Variants in USP48 observed in about 807,000 individuals in gnomAD.
USP48 encodes the protein ubiquitin specific peptidase 48, also known as ubiquitin carboxyl-terminal hydrolase 48.
USP48 carries 43 observed loss-of-function variants against 150.7 expected under a neutral mutation model. That is an observed-to-expected ratio of 0.29 (90% CI 0.22 to 0.37). The LOEUF (loss-of-function observed/expected upper bound fraction) is 0.37, where lower values mean the gene tolerates loss of function less well. USP48 is among the 10% of genes least tolerant of loss of function. The pLI, the probability that USP48 is intolerant of heterozygous loss-of-function variation, is 1.00. For synonymous variants in USP48, 396 were observed against 425.9 expected, an observed-to-expected ratio of 0.93 and a Z score of 0.86; for missense variants, 813 against 1,249.6, an observed-to-expected ratio of 0.65 and a Z score of 5.27.
rs564367927 is a variant in USP48 at position 21,744,137 on chromosome 1, T to C, written c.991+2930A>G. Among the ~76,000 whole-genome samples, 24 of 152,292 alleles carry C rather than the reference T, an allele frequency of 1.6e-4. No individual in the cohort carries two copies. The South Asian group carries it at 4.6e-3, about 29-fold the overall frequency. On this transcript the variant is annotated intron_variant, in intron 8 of 26. Coordinates refer to ENST00000308271, the MANE Select transcript of USP48 (RefSeq NM_032236.8). ...ACCTGGATTTATATTCATCAATTCATTGAACTAATCAATTTTAAAATTAAG... is the reference window on the plus strand; with the variant it reads ...ACCTGGATTTATATTCATCAATTCACTGAACTAATCAATTTTAAAATTAAG...
At chr1:21,769,066 T>C (rs977048750) in intron 1 of USP48, among the ~76,000 whole-genome samples, 1 of 152,190 alleles carries the variant, frequency 6.6e-6, no homozygotes, top group Non-Finnish European at 1.5e-5. Flanking sequence ...CTTTGAGTTG[T>C]TGCTTTTGCT....
intron 14 of USP48, among the ~76,000 whole-genome samples, chr1:21,719,103 TA>T (rs1364200799): frequency 7.1e-6 from 1 of 141,824 alleles, no homozygotes; most frequent in African/African-American, 2.6e-5. Flanking sequence ...CCATCTCCAC[TA>T]AAATACAAAA....
chr1:21,777,801 A>G (rs2097903445), intron 1 of USP48, among the ~76,000 whole-genome samples: 1 of 152,114 alleles, frequency 6.6e-6, no homozygotes, highest in Non-Finnish European at 1.5e-5. Flanking sequence ...CAAATCATAT[A>G]TTTAATAAGG....
At chr1:21,740,121 G>A (rs2152566111) in intron 8 of USP48, among the ~76,000 whole-genome samples, 1 of 152,328 alleles carries the variant, frequency 6.6e-6, no homozygotes, top group Non-Finnish European at 1.5e-5. Context: ...ATGTTGGTCA[G>A]GCTGGTCTTG....
intron 11 of USP48, among the ~76,000 whole-genome samples, chr1:21,726,821 C>G (rs1159848927): frequency 6.6e-6 from 1 of 152,144 alleles, no homozygotes; most frequent in Non-Finnish European, 1.5e-5. Context: ...ACATAATCAA[C>G]TCCAAATGAG....
At chr1:21,753,479 C>T (rs1391415578) in intron 3 of USP48, among the ~76,000 whole-genome samples, 3 of 151,154 alleles carry the variant, frequency 2.0e-5, no homozygotes, top group Admixed American at 6.6e-5. Context: ...CTATTGAGCG[C>T]GGGAGGAAGA....
At chr1:21,701,365 C>CA (rs35780642) in intron 22 of USP48, 133 bp downstream of exon 22, 99,971 of 406,818 alleles carry the variant, frequency 0.25, 4,089 homozygotes, top group Non-Finnish European at 0.27. Flanking sequence ...GACTCCATCT[C>CA]AAAAAAAAAA....
chr1:21,727,468 AAG>A (rs1272832591), intron 11 of USP48, among the ~76,000 whole-genome samples: 1 of 152,224 alleles, frequency 6.6e-6, no homozygotes, highest in Non-Finnish European at 1.5e-5. Context: ...TATAGTTCTA[AAG>A]AGTGGTTCAA....
chr1:21,692,942 C>T (rs904710228), intron 23 of USP48, among the ~76,000 whole-genome samples: 5 of 152,114 alleles, frequency 3.3e-5, no homozygotes, highest in African/African-American at 1.2e-4. Context: ...ATAAAGAACA[C>T]GATAGAGGTC....
chr1:21,715,294 A>T lies in USP48; in HGVS notation c.1963+95T>A. The T allele has an allele frequency of 6.6e-6, 6 of 914,848 alleles. No homozygotes were observed. In the South Asian group the frequency reaches 8.6e-5, roughly 13 times the overall value. 56.7% of individuals were successfully genotyped at this position (914,848 alleles called of 1,614,324 possible). On this transcript the variant is annotated intron_variant, in intron 15 of 26. Transcript: ENST00000308271. The stretch of plus-strand genomic sequence containing the variant: ...CTATTAAAAAAAATTTTTCCCAGGT[A>T]AGATGTGAGAGATACTGGCATGAAA...
At chr1:21,694,653 T>C (rs137967278) in intron 23 of USP48, among the ~76,000 whole-genome samples, 103 of 137,816 alleles carry the variant, frequency 7.5e-4, no homozygotes, top group Non-Finnish European at 1.3e-3. Context: ...AAAAATACTG[T>C]GACAGCCTAG....
At chr1:21,704,551 T>C (rs539773806) in intron 19 of USP48, 159 bp from the exon 20 acceptor site, 18 of 765,862 alleles carry the variant, frequency 2.4e-5, no homozygotes, top group African/African-American at 2.0e-4. Flanking sequence ...TAGTTTTTCA[T>C]ACAAAGGAAT....
intron 11 of USP48, 68 bp downstream of exon 11, chr1:21,728,502 T>C (rs541737254): frequency 5.2e-6 from 8 of 1,546,952 alleles, no homozygotes; most frequent in Non-Finnish European, 6.1e-6. Context: ...TTTCTTCATA[T>C]ACATTTGTGA....
rs1049015338 is a variant in USP48 at position 21,742,405 on chromosome 1, G to A, written c.991+4662C>T. The stretch of plus-strand genomic sequence containing the variant: ...CTAAAAATACCAAAATTAGCCAACC[G>A]TGGTGGTGCACACTTGTAATCCCAG... On this transcript the variant is annotated intron_variant, in intron 8 of 26. Transcript: ENST00000308271. 2.0e-5 allele frequency among the ~76,000 whole-genome samples: 3 copies of A among 151,938 alleles called. No homozygotes were observed. In the East Asian group the frequency reaches 5.8e-4, roughly 29 times the overall value.
chr1:21,711,143 C>G (rs1024666430), intron 15 of USP48, among the ~76,000 whole-genome samples: 6 of 151,602 alleles, frequency 4.0e-5, no homozygotes, highest in Non-Finnish European at 8.8e-5. Flanking sequence ...ACAACAGAGG[C>G]AACAACAGGG....
Position 21,783,074 on chromosome 1 carries a change from G to A in USP48, c.-117C>T, listed in dbSNP as rs1464901374. ...GCAAGGAGGACCTGGCGCTCCTTCA[G>A]GCAGCTGGCCAGTCAATCACCTGTG... On this transcript the variant is annotated 5_prime_UTR_variant, in exon 1 of 27. Transcript: ENST00000308271. 22 of 1,361,758 alleles carry A rather than the reference G, an allele frequency of 1.6e-5. No homozygotes were observed. The highest frequency in any genetic ancestry group is 3.0e-5 in the East Asian group (1 of 33,376). The allele number at this position is 1,361,758 out of a possible 1,614,324, so 84.4% of individuals were successfully genotyped here.
At chr1:21,740,222 T>C (rs1023990662) in intron 8 of USP48, among the ~76,000 whole-genome samples, 14 of 152,236 alleles carry the variant, frequency 9.2e-5, no homozygotes, top group Admixed American at 7.9e-4. Flanking sequence ...AGTATTTGTC[T>C]TTCTGAGCCC....
intron 1 of USP48, among the ~76,000 whole-genome samples, chr1:21,774,012 C>T (rs1264602938): frequency 6.6e-6 from 1 of 151,874 alleles, no homozygotes; most frequent in African/African-American, 2.4e-5. Context: ...TGTGGTGGCT[C>T]TACTAAAAAT....
intron 6 of USP48, among the ~76,000 whole-genome samples, chr1:21,749,335 T>C (rs777064681): frequency 6.6e-6 from 1 of 152,186 alleles, no homozygotes; most frequent in Non-Finnish European, 1.5e-5. Flanking sequence ...AACATTTGAA[T>C]GTCCCAGGCC....
Sources: allele counts gnomAD v4.1 joint callset (sites outside exome capture counted in the v4.1 genomes callset), GRCh38; gene constraint gnomAD v4.1.1; transcripts MANE v1.5; gene names NCBI Gene and HGNC (gene_info 2026-07-23, HGNC 2026-07-21).